Variants in UNC5C observed in about 807,000 individuals in gnomAD.
The protein encoded by UNC5C is netrin receptor UNC5C.
UNC5C carries 47 observed loss-of-function variants against 99.8 expected under a neutral mutation model. The observed-to-expected ratio is 0.47, with a 90% CI of 0.37 to 0.60. The LOEUF (loss-of-function observed/expected upper bound fraction) is 0.60. UNC5C is among the 20% of genes least tolerant of loss of function. The pLI is 0.00. For missense variants in UNC5C, 1,062 were observed against 1,165.9 expected (o/e 0.91, Z 1.30); for synonymous variants, 487 against 452.2 (o/e 1.08, Z -0.98).
intron 12 of UNC5C, among the ~76,000 whole-genome samples, chr4:95,189,044 A>AGACTT (rs1736957874): frequency 6.6e-6 from 1 of 152,212 alleles, no homozygotes; most frequent in South Asian, 2.1e-4. Context: ...AGATTTAGGA[A>AGACTT]GACTTAAGAG....
intron 1 of UNC5C, among the ~76,000 whole-genome samples, chr4:95,489,128 G>A (rs1288599425): frequency 7.0e-6 from 1 of 142,616 alleles, no homozygotes; most frequent in African/African-American, 2.5e-5. Flanking sequence ...AGGAGGGAGG[G>A]AGGAGGGAAG....
intron 1 of UNC5C, among the ~76,000 whole-genome samples, chr4:95,364,813 A>G (rs756084821): frequency 1.3e-5 from 2 of 152,180 alleles, no homozygotes; most frequent in Non-Finnish European, 2.9e-5. Flanking sequence ...TCATCAAATC[A>G]TTATCATCAT....
chr4:95,338,459 A>G (rs1743430847), intron 1 of UNC5C, among the ~76,000 whole-genome samples: 1 of 152,092 alleles, frequency 6.6e-6, no homozygotes, highest in Non-Finnish European at 1.5e-5. Flanking sequence ...TTAAAGATAA[A>G]GTGATCAGCT....
intron 1 of UNC5C, among the ~76,000 whole-genome samples, chr4:95,483,042 T>A (rs1010569982): frequency 1.7e-5 from 2 of 115,668 alleles, no homozygotes; most frequent in South Asian, 2.7e-4. Flanking sequence ...ATAATAATAA[T>A]AAAAACACAT....
chr4:95,312,288 T>A (rs942200966), intron 2 of UNC5C, among the ~76,000 whole-genome samples: 1 of 152,170 alleles, frequency 6.6e-6, no homozygotes, highest in Non-Finnish European at 1.5e-5. Context: ...TAGTTGTTCA[T>A]TGAGCATAGG....
intron 1 of UNC5C, among the ~76,000 whole-genome samples, chr4:95,482,418 AAACTAGTTC>A: frequency 6.6e-6 from 1 of 151,476 alleles, no homozygotes; most frequent in South Asian, 2.1e-4. Context: ...GTGGGACTGT[AAACTAGTTC>A]AACCATTGTG....
chr4:95,216,276 A>T (rs1174993402), intron 9 of UNC5C, 65 bp from the exon 10 acceptor site: 1 of 1,290,556 alleles, frequency 7.7e-7, no homozygotes, highest in East Asian at 2.3e-5. Context: ...GAATGAGGAG[A>T]TTTTGTGACC....
intron 12 of UNC5C, among the ~76,000 whole-genome samples, chr4:95,192,215 T>C (rs1332501086): frequency 7.8e-6 from 1 of 128,800 alleles, no homozygotes; most frequent in Non-Finnish European, 1.6e-5. Context: ...TCACCTCTTT[T>C]GCTCGCCCTC....
At chr4:95,178,992 T>A (rs1736486001) in intron 14 of UNC5C, among the ~76,000 whole-genome samples, 1 of 152,226 alleles carries the variant, frequency 6.6e-6, no homozygotes, top group African/African-American at 2.4e-5. Flanking sequence ...TTGCTATTAG[T>A]TCTTCCTTTA....
intron 1 of UNC5C, among the ~76,000 whole-genome samples, chr4:95,337,425 T>C (rs543340773): frequency 1.3e-5 from 2 of 151,930 alleles, no homozygotes; most frequent in Non-Finnish European, 2.9e-5. Flanking sequence ...ATTTAAATGT[T>C]CACATGCTAT....
chr4:95,547,499 A>G (rs1165992942), intron 1 of UNC5C, among the ~76,000 whole-genome samples: 1 of 151,864 alleles, frequency 6.6e-6, no homozygotes, highest in East Asian at 1.9e-4. Context: ...GCCTCCCTTT[A>G]CTCTCCAAAT....
chr4:95,319,656 C>T (rs1252700900), intron 2 of UNC5C, among the ~76,000 whole-genome samples: 2 of 152,146 alleles, frequency 1.3e-5, no homozygotes, highest in Non-Finnish European at 2.9e-5. Flanking sequence ...AGGGAAGACT[C>T]AGGACTGATG....
rs182907971 is a variant in UNC5C at position 95,165,101 on chromosome 4, G to A, written c.*4133C>T. 5 of 152,286 alleles carry A rather than the reference G, an allele frequency of 3.3e-5. No individual in the cohort carries two copies. The highest frequency in any genetic ancestry group is 5.9e-5 in the Non-Finnish European group (4 of 68,018). 9.4% of individuals were successfully genotyped at this position (152,286 alleles called of 1,614,324 possible). ...CAGAAGGACACGAGACAAGAGCCTT[G>A]TTGCTCTTTGCCAGGAGAAGTGAAA... On this transcript the variant is annotated 3_prime_UTR_variant, in exon 16 of 16. Coordinates refer to ENST00000453304, the MANE Select transcript of UNC5C (RefSeq NM_003728.4).
At chr4:95,291,349 A>G (rs1270437930) in intron 3 of UNC5C, among the ~76,000 whole-genome samples, 1 of 152,162 alleles carries the variant, frequency 6.6e-6, no homozygotes, top group East Asian at 1.9e-4. Flanking sequence ...TCAGAGTACA[A>G]AAAAAAGAAT....
chr4:95,464,449 T>C (rs1468289026), intron 1 of UNC5C, among the ~76,000 whole-genome samples: 2 of 152,318 alleles, frequency 1.3e-5, no homozygotes, highest in African/African-American at 2.4e-5. Flanking sequence ...GGAATTGTTA[T>C]TGGATGGTAT....
At chr4:95,492,717 A>T (rs1721531310) in intron 1 of UNC5C, among the ~76,000 whole-genome samples, 1 of 151,520 alleles carries the variant, frequency 6.6e-6, no homozygotes, top group Non-Finnish European at 1.5e-5. Context: ...GCTGTGATGA[A>T]CTTTACTCTT....
At chr4:95,433,202 T>C (rs1746680793) in intron 1 of UNC5C, among the ~76,000 whole-genome samples, 1 of 152,154 alleles carries the variant, frequency 6.6e-6, no homozygotes, top group Non-Finnish European at 1.5e-5. Context: ...ATCAAAGATT[T>C]GATAGTTTAA....
intron 1 of UNC5C, among the ~76,000 whole-genome samples, chr4:95,346,324 G>C (rs1743771141): frequency 6.6e-6 from 1 of 151,884 alleles, no homozygotes; most frequent in South Asian, 2.1e-4. Flanking sequence ...AGGACCCAAT[G>C]GCTTCACAGC....
intron 1 of UNC5C, among the ~76,000 whole-genome samples, chr4:95,422,195 G>T (rs183687816): frequency 1.8e-4 from 28 of 152,312 alleles, no homozygotes; most frequent in African/African-American, 6.5e-4. Context: ...TAATTTCCTG[G>T]ATTGTCTGCA....
Sources: allele counts gnomAD v4.1 joint callset (sites outside exome capture counted in the v4.1 genomes callset), GRCh38; gene constraint gnomAD v4.1.1; transcripts MANE v1.5; gene names NCBI Gene and HGNC (gene_info 2026-07-23, HGNC 2026-07-21).